Variants in ZNF292 observed in about 807,000 individuals in gnomAD.
ZNF292 encodes the protein zinc finger protein 292, also known as 16 zinc-finger domain protein.
Under a neutral mutation model 217.9 loss-of-function variants are expected in ZNF292, and 26 were observed. The ratio of observed to expected loss-of-function variants is 0.12; its 90% confidence interval spans 0.09 to 0.17. The LOEUF (loss-of-function observed/expected upper bound fraction) is 0.17. Among genes scored for constraint, ZNF292 ranks in the 10% least tolerant of loss-of-function variants. The pLI is 1.00. For missense variants in ZNF292, 2,904 were observed against 3,175.2 expected (o/e 0.91, Z 2.05); for synonymous variants, 1,257 against 1,124.1 (o/e 1.12, Z -2.37).
chr6:87,198,403 A>G (rs1388928682), intron 1 of ZNF292, among the ~76,000 whole-genome samples: 1 of 151,978 alleles, frequency 6.6e-6, no homozygotes, highest in Non-Finnish European at 1.5e-5. Flanking sequence ...ACAGGGTTTC[A>G]CTGTGTTAGC....
At chr6:87,179,450 T>C (rs1412704109) in intron 1 of ZNF292, among the ~76,000 whole-genome samples, 4 of 152,132 alleles carry the variant, frequency 2.6e-5, no homozygotes, top group African/African-American at 7.2e-5. Context: ...AATGAGCCAC[T>C]GTGCCTGGCC....
intron 1 of ZNF292, among the ~76,000 whole-genome samples, chr6:87,197,306 A>G (rs978899658): frequency 6.6e-6 from 1 of 152,214 alleles, no homozygotes; most frequent in African/African-American, 2.4e-5. Flanking sequence ...TCTTCTGGAA[A>G]TCTATCCCAT....
intron 1 of ZNF292, among the ~76,000 whole-genome samples, chr6:87,178,099 G>A (rs920499064): frequency 6.6e-6 from 1 of 151,962 alleles, no homozygotes; most frequent in Non-Finnish European, 1.5e-5. Context: ...TCTATGGTAA[G>A]GCTATTCAAA....
In ZNF292 at chr6:87,264,452, G is replaced by T. The variant is rs1775749143; in HGVS notation, c.*2651G>T. Among the ~76,000 whole-genome samples the T allele has an allele frequency of 6.6e-6, 1 of 152,210 alleles. No individual in the cohort carries two copies. The highest frequency in any genetic ancestry group is 2.4e-5 in the African/African-American group (1 of 41,446). ...TATTTTTAAGGCAAATTTTTATCAA[G>T]TGAGCAGTCACAGTTGCTGTAGATA... On this transcript the variant is annotated 3_prime_UTR_variant, in exon 8 of 8. Coordinates refer to ENST00000369577, the MANE Select transcript of ZNF292 (RefSeq NM_015021.3).
intron 4 of ZNF292, among the ~76,000 whole-genome samples, chr6:87,226,846 T>TG (rs932485140): frequency 6.6e-6 from 1 of 151,670 alleles, no homozygotes; most frequent in Non-Finnish European, 1.5e-5. Context: ...GCCCAGCTAA[T>TG]TTTTTATATT....
chr6:87,256,854 A>G lies in ZNF292; in HGVS notation c.3225A>G (p.Pro1075=). The G allele has an allele frequency of 6.2e-7, 1 of 1,613,828 alleles. No homozygotes were observed. Among genetic ancestry groups the G allele is most frequent in the East Asian group, 2.2e-5 (1 of 44,872 alleles). ...LKTLESIAFV[P]PQSDLSNSLG... ...CATTAGAAAGTATTGCATTTGTTCCACCGCAGTCCGACCTAAGTAATTCAT... is the reference window on the plus strand; with the variant it reads ...CATTAGAAAGTATTGCATTTGTTCCGCCGCAGTCCGACCTAAGTAATTCAT... Residue 1075 remains proline (P), a synonymous_variant, in exon 8 of 8, where the codon CCA becomes CCG. Transcript: ENST00000369577.
intron 7 of ZNF292, among the ~76,000 whole-genome samples, chr6:87,250,596 T>C (rs1007694745): frequency 6.6e-6 from 1 of 152,246 alleles, no homozygotes; most frequent in Non-Finnish European, 1.5e-5. Context: ...AATTAAATTA[T>C]GTGAGAAGAT....
At chr6:87,188,486 A>C (rs1377333930) in intron 1 of ZNF292, among the ~76,000 whole-genome samples, 1 of 152,150 alleles carries the variant, frequency 6.6e-6, no homozygotes, top group African/African-American at 2.4e-5. Flanking sequence ...CCAGTATTCT[A>C]AGCTTCCAGA....
intron 1 of ZNF292, among the ~76,000 whole-genome samples, chr6:87,180,793 G>A (rs573120577): frequency 1.1e-4 from 16 of 152,228 alleles, no homozygotes; most frequent in East Asian, 1.9e-4. Flanking sequence ...TGTTCCTTCC[G>A]TGGATACCCT....
Position 87,260,968 on chromosome 6 carries a change from G to T in ZNF292, c.7339G>T (p.Asp2447Tyr), listed in dbSNP as rs1775552468. The T allele has an allele frequency of 6.2e-7, 1 of 1,609,336 alleles. No individual in the cohort carries two copies. Among genetic ancestry groups the T allele is most frequent in the Non-Finnish European group, 8.5e-7 (1 of 1,177,554 alleles). Residue 2447 changes from aspartate (D) to tyrosine (Y), a missense_variant, in exon 8 of 8, where the codon GAT (aspartate) becomes TAT (tyrosine). By Grantham distance (160) the Asp-to-Tyr change is radical (BLOSUM62 -3). Around this residue, in one of 15 missense-constraint regions of ZNF292, gnomAD observed 380 missense variants for 355.3 expected, o/e 1.07. Transcript: ENST00000369577. ...GTCTGAGCAAGAAGGTGCTAAGAATGATGTGAAAGATTCTGACACGTGTGT... is the reference window on the plus strand; with the variant it reads ...GTCTGAGCAAGAAGGTGCTAAGAATTATGTGAAAGATTCTGACACGTGTGT... Reference protein sequence around the residue: ...ETSEQEGAKNDVKDSDTCVSE... With the variant: ...ETSEQEGAKNYVKDSDTCVSE...
chr6:87,238,020 G>A (rs1036594406), intron 5 of ZNF292, among the ~76,000 whole-genome samples: 3 of 152,046 alleles, frequency 2.0e-5, no homozygotes, highest in African/African-American at 7.3e-5. Context: ...CAGCCATCTA[G>A]TGGCAAATAA....
chr6:87,168,544 A>T (rs984186519), intron 1 of ZNF292, among the ~76,000 whole-genome samples: 1 of 152,120 alleles, frequency 6.6e-6, no homozygotes, highest in Non-Finnish European at 1.5e-5. Flanking sequence ...ATCTTAGCTC[A>T]CTGTAACCTC....
chr6:87,215,903 A>G lies in ZNF292; in HGVS notation c.169A>G (p.Thr57Ala), dbSNP rs749248915. Reference protein sequence around the residue: ...ATDYCQQLCQTLLEYAEKWKT... With the variant: ...ATDYCQQLCQALLEYAEKWKT... ...CTTTTTATTATTCCTTCCAAAACAG[A>G]CACTCCTAGAATATGCAGAGAAATG... Residue 57 changes from threonine (T) to alanine (A), a missense_variant and splice_region_variant, in exon 2 of 8, where the codon ACA becomes GCA. Transcript: ENST00000369577. 2.5e-5 allele frequency: 40 copies of G among 1,578,100 alleles called. 1 individual carries two copies. The East Asian group carries it at 8.2e-4, about 32-fold the overall frequency.
intron 1 of ZNF292, among the ~76,000 whole-genome samples, chr6:87,187,714 C>CAAG (rs1771707922): frequency 1.0e-5 from 1 of 96,666 alleles, no homozygotes; most frequent in African/African-American, 4.0e-5. Flanking sequence ...GACTCTGCCT[C>CAAG]AAAAAAAAAA....
chr6:87,205,924 A>G (rs1772239396), intron 1 of ZNF292, among the ~76,000 whole-genome samples: 2 of 152,220 alleles, frequency 1.3e-5, no homozygotes, highest in Non-Finnish European at 2.9e-5. Context: ...ATAAACCACT[A>G]AAACCTTAGT....
chr6:87,249,739 T>C (rs2127847972), intron 7 of ZNF292, among the ~76,000 whole-genome samples: 1 of 152,084 alleles, frequency 6.6e-6, no homozygotes, highest in East Asian at 1.9e-4. Context: ...TTATGGAGTC[T>C]CCCTCTGTTG....
intron 1 of ZNF292, among the ~76,000 whole-genome samples, chr6:87,183,078 G>C (rs1771518459): frequency 6.6e-6 from 1 of 152,094 alleles, no homozygotes; most frequent in Non-Finnish European, 1.5e-5. Context: ...ATAAATGACT[G>C]TGTATACAGT....
chr6:87,211,601 T>C (rs929893464), intron 1 of ZNF292, among the ~76,000 whole-genome samples: 2 of 152,190 alleles, frequency 1.3e-5, no homozygotes, highest in African/African-American at 4.8e-5. Flanking sequence ...ATTTACCTAA[T>C]TACTGAATAG....
chr6:87,244,737 C>A (rs1774479336), intron 6 of ZNF292, among the ~76,000 whole-genome samples: 1 of 152,022 alleles, frequency 6.6e-6, no homozygotes, highest in Non-Finnish European at 1.5e-5. Context: ...TTCTTATATT[C>A]ATCTAATAAT....
Sources: allele counts gnomAD v4.1 joint callset (sites outside exome capture counted in the v4.1 genomes callset), GRCh38; gene constraint gnomAD v4.1.1; regional missense constraint gnomAD v4.1.1; transcripts MANE v1.5; gene names NCBI Gene and HGNC (gene_info 2026-07-23, HGNC 2026-07-21).